The following GNAQ variants were observed in gnomAD, a reference collection of about 807,000 sequenced individuals.
The protein encoded by GNAQ is G protein subunit alpha q, also known as guanine nucleotide-binding protein G(q) subunit alpha.
Under a neutral mutation model 43.9 loss-of-function variants are expected in GNAQ, and 8 were observed. That is an observed-to-expected ratio of 0.18 (90% CI 0.11 to 0.33). The LOEUF (loss-of-function observed/expected upper bound fraction) is 0.33. GNAQ is among the 10% of genes least tolerant of loss of function. The pLI, the probability that GNAQ is intolerant of heterozygous loss-of-function variation, is 1.00. For synonymous variants in GNAQ, 155 were observed against 170.7 expected, an observed-to-expected ratio of 0.91 and a Z score of 0.71; for missense variants, 158 against 450.8, an observed-to-expected ratio of 0.35 and a Z score of 5.88.
Position 78,031,317 on chromosome 9 carries a change from C to G in GNAQ, c.-82G>C, listed in dbSNP as rs2118633064. On this transcript the variant is annotated 5_prime_UTR_variant, in exon 1 of 7. Transcript: ENST00000286548. ...ACACACCCTCCCGCCCTCGCTCCCCCGAGGCAGCGGTGGCCGCCGAGCCCC... is the reference window on the plus strand; with the variant it reads ...ACACACCCTCCCGCCCTCGCTCCCCGGAGGCAGCGGTGGCCGCCGAGCCCC... 2 of 1,169,836 alleles carry G rather than the reference C, an allele frequency of 1.7e-6. No individual in the cohort carries two copies. The highest frequency in any genetic ancestry group is 2.2e-6 in the Non-Finnish European group (2 of 912,158). 72.5% of individuals were successfully genotyped at this position (1,169,836 alleles called of 1,614,324 possible).
At chr9:78,022,133 G>A (rs1296368086) in intron 1 of GNAQ, among the ~76,000 whole-genome samples, 1 of 152,170 alleles carries the variant, frequency 6.6e-6, no homozygotes, top group Non-Finnish European at 1.5e-5. Flanking sequence ...TATTACAGAG[G>A]TCAAAGAGAA....
At chr9:77,789,344 A>G (rs1826530637) in intron 5 of GNAQ, among the ~76,000 whole-genome samples, 1 of 152,222 alleles carries the variant, frequency 6.6e-6, no homozygotes, top group South Asian at 2.1e-4. Context: ...GGAAGAAGAT[A>G]TTTGTATACA....
intron 1 of GNAQ, among the ~76,000 whole-genome samples, chr9:78,026,146 A>C (rs1394775193): frequency 2.0e-5 from 3 of 152,170 alleles, no homozygotes; most frequent in African/African-American, 7.2e-5. Context: ...TCTCCTTTCT[A>C]AACTTACTTT....
At chr9:77,782,399 C>G (rs1230878627) in intron 5 of GNAQ, among the ~76,000 whole-genome samples, 1 of 152,122 alleles carries the variant, frequency 6.6e-6, no homozygotes, top group Non-Finnish European at 1.5e-5. Flanking sequence ...AAAAGATGTT[C>G]TGTATCATAA....
intron 1 of GNAQ, among the ~76,000 whole-genome samples, chr9:77,923,139 T>C: frequency 6.6e-6 from 1 of 152,104 alleles, no homozygotes; most frequent in East Asian, 1.9e-4. Context: ...TTTTCTCCAA[T>C]TTTAAAATGT....
At chr9:77,723,665 TAATA>T (rs758485069) in intron 6 of GNAQ, among the ~76,000 whole-genome samples, 5 of 152,210 alleles carry the variant, frequency 3.3e-5, no homozygotes, top group South Asian at 2.1e-4. Context: ...GAGAACATTA[TAATA>T]AATAAACCCA....
chr9:77,882,406 C>A (rs1025969340), intron 2 of GNAQ, among the ~76,000 whole-genome samples: 1 of 152,106 alleles, frequency 6.6e-6, no homozygotes, highest in African/African-American at 2.4e-5. Context: ...AACCTTTGAC[C>A]CAGCAAATTA....
intron 2 of GNAQ, among the ~76,000 whole-genome samples, chr9:77,900,309 C>T (rs1289996770): frequency 1.3e-5 from 2 of 152,136 alleles, no homozygotes; most frequent in Non-Finnish European, 2.9e-5. Context: ...TCTGTCACTC[C>T]ATCAGGAGAC....
chr9:77,741,446 T>C (rs1322113004), intron 5 of GNAQ, among the ~76,000 whole-genome samples: 1 of 152,250 alleles, frequency 6.6e-6, no homozygotes, highest in Non-Finnish European at 1.5e-5. Context: ...GCCTTAATTT[T>C]GTCCTTGTCT....
At chr9:77,983,106 G>A (rs1008930306) in intron 1 of GNAQ, among the ~76,000 whole-genome samples, 1 of 152,176 alleles carries the variant, frequency 6.6e-6, no homozygotes, top group Admixed American at 6.5e-5. Context: ...GAATTCTGCT[G>A]TACTGGGGTA....
intron 2 of GNAQ, among the ~76,000 whole-genome samples, chr9:77,907,592 C>T (rs1480942490): frequency 3.3e-5 from 5 of 151,932 alleles, no homozygotes; most frequent in Admixed American, 1.3e-4. Flanking sequence ...TTATTTAAGT[C>T]GATGTGAAGT....
intron 2 of GNAQ, among the ~76,000 whole-genome samples, chr9:77,897,155 T>C (rs1828517227): frequency 6.6e-6 from 1 of 152,208 alleles, no homozygotes; most frequent in Non-Finnish European, 1.5e-5. Context: ...CCACTGTTAA[T>C]TATGGAGTTT....
chr9:77,808,347 A>T (rs1289856162), intron 3 of GNAQ, among the ~76,000 whole-genome samples: 1 of 150,974 alleles, frequency 6.6e-6, no homozygotes, highest in Non-Finnish European at 1.5e-5. Context: ...CGAGGAAGAC[A>T]AATGCAGGGC....
In GNAQ at chr9:77,898,142, T is replaced by A. The variant is rs1023463422; in HGVS notation, c.321+24019A>T. ...GGCCAACTGTTCTGTCACTGGATAA[T>A]CCAGGCTCTTCTCCCTCTTTCTCTA... is the stretch of plus-strand genomic sequence containing the variant. On this transcript the variant is annotated intron_variant, in intron 2 of 6. Transcript: ENST00000286548. 2.0e-5 allele frequency among the ~76,000 whole-genome samples: 3 copies of A among 152,286 alleles called. No individual in the cohort carries two copies. In the Middle Eastern group the frequency reaches 0.01, roughly 518 times the overall value.
intron 2 of GNAQ, among the ~76,000 whole-genome samples, chr9:77,846,636 T>C (rs1423210019): frequency 6.6e-6 from 1 of 152,112 alleles, no homozygotes; most frequent in Non-Finnish European, 1.5e-5. Context: ...TCTTATTTTC[T>C]CCTTTATGTG....
chr9:77,752,161 T>A (rs1423585504), intron 5 of GNAQ, among the ~76,000 whole-genome samples: 1 of 152,246 alleles, frequency 6.6e-6, no homozygotes, highest in African/African-American at 2.4e-5. Flanking sequence ...TGCAGTTGAA[T>A]TGTCAAACAG....
At chr9:77,792,230 A>C (rs1826586493) in intron 5 of GNAQ, among the ~76,000 whole-genome samples, 1 of 152,156 alleles carries the variant, frequency 6.6e-6, no homozygotes, top group African/African-American at 2.4e-5. Flanking sequence ...CATCTTATAG[A>C]ATTACCTAGA....
At chr9:77,956,731 G>A (rs76274326) in intron 1 of GNAQ, among the ~76,000 whole-genome samples, 2 of 152,326 alleles carry the variant, frequency 1.3e-5, no homozygotes, top group East Asian at 1.9e-4. Flanking sequence ...GCATGGAGGT[G>A]GAGGGGACCA....
At chr9:77,832,672 C>A (rs1827318897) in intron 2 of GNAQ, among the ~76,000 whole-genome samples, 1 of 152,206 alleles carries the variant, frequency 6.6e-6, no homozygotes, top group South Asian at 2.1e-4. Context: ...AGTGTATATA[C>A]CAGGGATCTA....
Sources: gnomAD v4.1 joint callset for allele counts (sites outside exome capture counted in the v4.1 genomes callset) on GRCh38, gnomAD v4.1.1 for gene constraint, MANE v1.5 for transcripts, NCBI Gene and HGNC (gene_info 2026-07-23, HGNC 2026-07-21) for gene names.